IGSF9: variants seen among roughly 807,000 people sequenced by gnomAD.
IGSF9 encodes protein turtle homolog A.
Under a neutral mutation model 121.7 loss-of-function variants are expected in IGSF9, and 87 were observed. The observed-to-expected ratio is 0.71, with a 90% CI of 0.60 to 0.85. IGSF9 has a LOEUF of 0.85. Ranked by LOEUF, IGSF9 falls within the 40% of genes least tolerant of loss-of-function variation. The probability of loss-of-function intolerance (pLI) is 0.00; values close to 1 mark genes in which losing one functional copy is unlikely to be tolerated. For synonymous variants in IGSF9, 640 were observed against 648.4 expected, an observed-to-expected ratio of 0.99 and a Z score of 0.20; for missense variants, 1,462 against 1,565.3, an observed-to-expected ratio of 0.93 and a Z score of 1.11.
At position 159,931,203 on chromosome 1, in the gene IGSF9, A is replaced by G. The variant is rs749207877; in HGVS notation, c.1572T>C (p.Asn524=). ...CATCAAAGCCAGGCTCCCAGGAGACATTGGCACCCTTGGGCAAAGCCACCA... is the reference window on the plus strand; with the variant it reads ...CATCAAAGCCAGGCTCCCAGGAGACGTTGGCACCCTTGGGCAAAGCCACCA... ...VSVVALPKGA[N]VSWEPGFDGG... is the part of the protein sequence containing the mutation. The change falls in exon 13 of 21, where the codon AAT becomes AAC. Residue 524 remains asparagine (N), a synonymous_variant. Coordinates refer to ENST00000368094, the MANE Select transcript of IGSF9 (RefSeq NM_001135050.2). This position sits in a 1 kb window ranked among gnomAD's most constrained non-coding sequence, Gnocchi z 4.8. The G allele has an allele frequency of 6.8e-6, 11 of 1,614,018 alleles. No individual in the cohort carries two copies. The highest frequency in any genetic ancestry group is 8.5e-6 in the Non-Finnish European group (10 of 1,180,004).
chr1:159,932,845 G>T lies in IGSF9; in HGVS notation c.1105-193C>A. On this transcript the variant is annotated intron_variant, in intron 9 of 20. Transcript: ENST00000368094. This position sits in a 1 kb window ranked among gnomAD's most constrained non-coding sequence, Gnocchi z 4.1. ...TCCTGCAGAGGGACCCCTCCCAATA[G>T]TGTGAGGCTGTGACTGCACAACTCC... 1.8e-6 allele frequency: 1 copy of T among 570,154 alleles called. No homozygotes were observed. 35.3% of individuals were successfully genotyped at this position (570,154 alleles called of 1,614,324 possible).
chr1:159,930,860 G>A lies in IGSF9; in HGVS notation c.1645C>T (p.Arg549Cys), dbSNP rs141602236. The part of the protein sequence containing the change: ...FSVWYTPLAK[R>C]PDRMHHDWVS... ...CAGTCATGGTGCATTCGGTCAGGAC[G>A]CTTGGCCCTGGGAGACATGAGGACA... Residue 549 changes from arginine (R) to cysteine (C), a missense_variant, in exon 14 of 21, where the codon CGT (arginine) becomes TGT (cysteine). Around this residue, in one of 3 missense-constraint regions of IGSF9, gnomAD observed 96 missense variants for 150.7 expected, o/e 0.64. Transcript: ENST00000368094. 1.2e-6 allele frequency: 2 copies of A among 1,604,520 alleles called. No individual in the cohort carries two copies. The highest frequency in any genetic ancestry group is 2.2e-5 in the East Asian group (1 of 44,708).
chr1:159,931,242 G>T lies in IGSF9; in HGVS notation c.1533C>A (p.Val511=), dbSNP rs773761784. The part of the protein sequence containing the change: ...VYVLGTSPHV[V]TNVSVVALPK... ...GCAAAGCCACCACGGACACATTGGT[G>T]ACAACATGAGGGCTAGTGCCTAGGC... is the stretch of plus-strand genomic sequence containing the variant. Residue 511 remains valine (V), a synonymous_variant, in exon 13 of 21, where the codon GTC becomes GTA. Transcript: ENST00000368094. The surrounding 1 kb of genome is among the most constrained non-coding windows in gnomAD (Gnocchi z 4.8). 3.7e-6 allele frequency: 6 copies of T among 1,614,024 alleles called. No individual in the cohort carries two copies. Among genetic ancestry groups the T allele is most frequent in the Non-Finnish European group, 5.1e-6 (6 of 1,180,008 alleles).
intron 6 of IGSF9, 37 bp downstream of exon 6, chr1:159,936,362 G>A (rs1651183035): frequency 1.3e-6 from 2 of 1,567,350 alleles, no homozygotes; most frequent in South Asian, 1.1e-5. Context: ...CCCTTGCATA[G>A]GTAACCCTGG....
At chr1:159,938,419 T>C (rs1014751664) in intron 3 of IGSF9, among the ~76,000 whole-genome samples, 3 of 152,142 alleles carry the variant, frequency 2.0e-5, no homozygotes, top group African/African-American at 7.2e-5. Flanking sequence ...CTCCTCGCCC[T>C]ATCCTCTCCA....
In IGSF9 at chr1:159,930,235, G is replaced by T. The variant is rs1294210327; in HGVS notation, c.2018C>A (p.Ala673Asp). ...CAGCTCTGTTTCTGTGCCTGCCACA[G>T]CCGGGTCCAGCACCTCCCAGCCCTG... Reference protein sequence around the residue: ...GSQGWEVLDPAVAGTETELLV... With the variant: ...GSQGWEVLDPDVAGTETELLV... Residue 673 changes from alanine to aspartate, a missense_variant, in exon 15 of 21, where the codon GCT becomes GAT. Physicochemically the swap from Ala to Asp is moderately radical, Grantham distance 126. This residue lies in a region of IGSF9 where 808 missense variants were observed against 815.2 expected (regional missense o/e 0.99). Coordinates refer to ENST00000368094, the MANE Select transcript of IGSF9 (RefSeq NM_001135050.2). The T allele has an allele frequency of 2.7e-5, 44 of 1,613,314 alleles. No individual in the cohort carries two copies. The highest frequency in any genetic ancestry group is 7.6e-6 in the Non-Finnish European group (9 of 1,179,758).
Position 159,943,173 on chromosome 1 carries a change from G to A in IGSF9, c.59-22C>T, listed in dbSNP as rs757076424. The A allele has an allele frequency of 5.1e-6, 8 of 1,574,082 alleles. No homozygotes were observed. The East Asian group carries it at 1.6e-4, about 31-fold the overall frequency. ...CGACCTGCATGATGGGTGGCATGAG[G>A]GCACAACGGGGGGCTAGGGTCAGTG... On this transcript the variant is annotated intron_variant, in intron 2 of 20. Coordinates refer to ENST00000368094, the MANE Select transcript of IGSF9 (RefSeq NM_001135050.2).
rs868727827 is a variant in IGSF9 at position 159,943,423 on chromosome 1, C to A, written c.32G>T (p.Ser11Ile). The A allele has an allele frequency of 1.3e-6, 2 of 1,589,402 alleles. No individual in the cohort carries two copies. The highest frequency in any genetic ancestry group is 1.8e-5 in the Admixed American group (1 of 56,714). Residue 11 changes from serine (S) to isoleucine (I), a missense_variant, in exon 2 of 21, where the codon AGC (serine) becomes ATC (isoleucine). This residue lies in a region of IGSF9 where 558 missense variants were observed against 599.4 expected (regional missense o/e 0.93). Coordinates refer to ENST00000368094, the MANE Select transcript of IGSF9 (RefSeq NM_001135050.2). ...GTCAGCCCCCTGGCTGATGACCAGG[C>A]TGAGGACGGCCAGGCCGAGGCACCA... MVWCLGLAVL[S>I]LVISQGADGR...
At chr1:159,942,674 A>C (rs1049296368) in intron 3 of IGSF9, among the ~76,000 whole-genome samples, 1 of 152,110 alleles carries the variant, frequency 6.6e-6, no homozygotes, top group Admixed American at 6.6e-5. Context: ...GGATATTTGG[A>C]ATAGGGCTGC....
chr1:159,930,955 C>T, intron 13 of IGSF9, 88 bp from the exon 14 acceptor site: 1 of 1,443,690 alleles, frequency 6.9e-7, no homozygotes, highest in Non-Finnish European at 9.3e-7. Context: ...CTCCCCTCTG[C>T]TCAACCATCC....
Position 159,931,942 on chromosome 1 carries a change from C to T in IGSF9, c.1246-14G>A, listed in dbSNP as rs1651016585. ...AGCTGGGGGAGCCTGCAAGCCAGATCTGGCATTGGGAGGGGCCCTCTCTTA... is the reference window on the plus strand; with the variant it reads ...AGCTGGGGGAGCCTGCAAGCCAGATTTGGCATTGGGAGGGGCCCTCTCTTA... On this transcript the variant is annotated splice_polypyrimidine_tract_variant and intron_variant, in intron 10 of 20. Transcript: ENST00000368094. This position sits in a 1 kb window ranked among gnomAD's most constrained non-coding sequence, Gnocchi z 4.8. 6.5e-7 allele frequency: 1 copy of T among 1,546,614 alleles called. No individual in the cohort carries two copies. Among genetic ancestry groups the T allele is most frequent in the Non-Finnish European group, 8.8e-7 (1 of 1,137,366 alleles).
Position 159,928,809 on chromosome 1 carries a change from G to T in IGSF9, c.2579C>A (p.Ala860Glu). The T allele has an allele frequency of 6.7e-7, 1 of 1,498,168 alleles. No homozygotes were observed. The allele number at this position is 1,498,168 out of a possible 1,614,324, so 92.8% of individuals were successfully genotyped here. A position where few individuals can be genotyped will look rare whatever the true frequency, so the allele number is the denominator to read the frequency against. Reference protein sequence around the residue: ...DGRFVMGPTVAAPQERSGREQ... With the variant: ...DGRFVMGPTVEAPQERSGREQ... Reference sequence around the variant, plus strand: ...CCGGCCTGACCTTTCCTGGGGGGCCGCCACAGTGGGCCCCATCACAAAGCG... The same window carrying T: ...CCGGCCTGACCTTTCCTGGGGGGCCTCCACAGTGGGCCCCATCACAAAGCG... Residue 860 changes from alanine to glutamate, a missense_variant, in exon 19 of 21, where the codon GCG becomes GAG. Coordinates refer to ENST00000368094, the MANE Select transcript of IGSF9 (RefSeq NM_001135050.2).
intron 7 of IGSF9, 34 bp from the exon 8 acceptor site, chr1:159,934,604 C>T: frequency 6.2e-7 from 1 of 1,613,168 alleles, no homozygotes; most frequent in Non-Finnish European, 8.5e-7. Context: ...GGGGTCCAGG[C>T]CTTGCCCAGC....
At chr1:159,937,104 A>G (rs1651218086) in intron 4 of IGSF9, among the ~76,000 whole-genome samples, 196 bp from the exon 5 acceptor site, 1 of 152,028 alleles carries the variant, frequency 6.6e-6, no homozygotes, top group South Asian at 2.1e-4. Flanking sequence ...ACCCCCACAC[A>G]CTGGCCTGGG....
Position 159,931,678 on chromosome 1 carries a change from A to G in IGSF9, c.1363-75T>C. 1.9e-6 allele frequency: 3 copies of G among 1,562,146 alleles called. No homozygotes were observed. Among genetic ancestry groups the G allele is most frequent in the Non-Finnish European group, 2.6e-6 (3 of 1,146,086 alleles). On this transcript the variant is annotated intron_variant, in intron 11 of 20. Coordinates refer to ENST00000368094, the MANE Select transcript of IGSF9 (RefSeq NM_001135050.2). The surrounding 1 kb of genome is among the most constrained non-coding windows in gnomAD (Gnocchi z 4.8). ...AAAGGCGCCCCTCATCTCTCCAGGC[A>G]GCTCCAGTTCCTCCCCACCCTGCCT...
rs750854205 is a variant in IGSF9, at chr1:159,927,861, T to C, written c.3257A>G (p.Tyr1086Cys). 10 of 1,610,988 alleles carry C rather than the reference T, an allele frequency of 6.2e-6. No individual in the cohort carries two copies. The highest frequency in any genetic ancestry group is 8.5e-6 in the Non-Finnish European group (10 of 1,179,482). ...KRRNTSVDENYEWDSEFPGDM... is the reference protein window; with the variant it reads ...KRRNTSVDENCEWDSEFPGDM... ...CCCAGGGAATTCTGAGTCCCACTCA[T>C]AGTTCTCGTCCACAGATGTGTTCCT... Residue 1086 changes from tyrosine to cysteine, a missense_variant, in exon 20 of 21, where the codon TAT (tyrosine) becomes TGT (cysteine). Transcript: ENST00000368094.
Position 159,931,344 on chromosome 1 carries a change from C to T in IGSF9, c.1514-83G>A. 1 of 1,600,304 alleles carries T rather than the reference C, an allele frequency of 6.2e-7. No homozygotes were observed. Among genetic ancestry groups the T allele is most frequent in the Non-Finnish European group, 8.5e-7 (1 of 1,170,968 alleles). ...CAGGGGCCCCAGGGCCACTGACCTTCACCCATCATCATCCCAGGGGTCCCA... is the reference window on the plus strand; with the variant it reads ...CAGGGGCCCCAGGGCCACTGACCTTTACCCATCATCATCCCAGGGGTCCCA... On this transcript the variant is annotated intron_variant, in intron 12 of 20. Transcript: ENST00000368094. The surrounding 1 kb of genome is among the most constrained non-coding windows in gnomAD (Gnocchi z 4.8).
Position 159,939,375 on chromosome 1 carries a change from G to A in IGSF9, c.248-1537C>T, listed in dbSNP as rs1472080781. On this transcript the variant is annotated intron_variant, in intron 3 of 20. Transcript: ENST00000368094. ...CTCAAGTAGCTAGTAGTACAAGCAC[G>A]TGTCACCATGCCTGGCTAATTGTTT... Among the ~76,000 whole-genome samples, 5 of 152,210 alleles carry A rather than the reference G, an allele frequency of 3.3e-5. No individual in the cohort carries two copies. In the East Asian group the frequency reaches 7.7e-4, roughly 24 times the overall value.
chr1:159,929,006 G>T lies in IGSF9; in HGVS notation c.2382C>A (p.Gly794=). ...TCGCCACGCTGTCAGGACTGCCTGA[G>T]CCCAGAGCAGAGCTGGGGAAGGACA... ...TGKSAAPSAL[G]SGSPDSVAKL... is the part of the protein sequence containing the mutation. The change falls in exon 19 of 21, where the codon GGC becomes GGA. Residue 794 remains glycine (G), a synonymous_variant. Transcript: ENST00000368094. The T allele has an allele frequency of 6.6e-7, 1 of 1,518,492 alleles. No individual in the cohort carries two copies. Among genetic ancestry groups the T allele is most frequent in the Admixed American group, 2.2e-5 (1 of 44,980 alleles). The allele number at this position is 1,518,492 out of a possible 1,614,324, so 94.1% of individuals were successfully genotyped here.
Sources: allele counts gnomAD v4.1 joint callset (sites outside exome capture counted in the v4.1 genomes callset), GRCh38; gene constraint gnomAD v4.1.1; regional missense constraint gnomAD v4.1.1; non-coding constraint Gnocchi (gnomAD v3.1); transcripts MANE v1.5; gene names NCBI Gene and HGNC (gene_info 2026-07-23, HGNC 2026-07-21).